Variants in TK2 observed in about 807,000 individuals in gnomAD.
TK2 encodes the protein thymidine kinase 2, mitochondrial.
TK2 carries 35 observed loss-of-function variants against 41.9 expected under a neutral mutation model. That is an observed-to-expected ratio of 0.84 (90% CI 0.64 to 1.11). The LOEUF (loss-of-function observed/expected upper bound fraction) is 1.11, where lower values mean the gene tolerates loss of function less well. Among genes scored for constraint, TK2 ranks in the 50% least tolerant of loss-of-function variants. The pLI, the probability that TK2 is intolerant of heterozygous loss-of-function variation, is 0.00. For missense variants in TK2, 320 were observed against 351.1 expected, an observed-to-expected ratio of 0.91 and a Z score of 0.71; for synonymous variants, 128 against 129.1, an observed-to-expected ratio of 0.99 and a Z score of 0.06.
chr16:66,531,315 C>T (rs2144409081), intron 5 of TK2, 65 bp downstream of exon 5: 1 of 1,513,068 alleles, frequency 6.6e-7, no homozygotes, highest in East Asian at 2.3e-5. Context: ...CCCTTCCTGG[C>T]AATCACATAC....
chr16:66,516,731 G>A (rs968722204), intron 8 of TK2, among the ~76,000 whole-genome samples: 18 of 152,006 alleles, frequency 1.2e-4, no homozygotes. Context: ...TAAGCACTAG[G>A]GATGCAGCAG....
rs779631005 is a variant in TK2 at position 66,529,637 on chromosome 16, G to A, written c.376-570C>T. Among the ~76,000 whole-genome samples the A allele has an allele frequency of 2.6e-5, 4 of 152,152 alleles. No individual in the cohort carries two copies. In the South Asian group the frequency reaches 8.3e-4, roughly 32 times the overall value. On this transcript the variant is annotated intron_variant, in intron 5 of 9. Coordinates refer to ENST00000544898, the MANE Select transcript of TK2 (RefSeq NM_004614.5). Reference sequence around the variant, plus strand: ...CAGGATGCTCAAACCCTCTGCAGACGACCTTGCCCTTTGTCCAGCGTTCCT... The same window carrying A: ...CAGGATGCTCAAACCCTCTGCAGACAACCTTGCCCTTTGTCCAGCGTTCCT...
chr16:66,540,292 C>T (rs1239965238), intron 3 of TK2, among the ~76,000 whole-genome samples: 1 of 151,772 alleles, frequency 6.6e-6, no homozygotes, highest in Non-Finnish European at 1.5e-5. Context: ...CCCACCTCAG[C>T]CTCTTGAGCA....
Position 66,517,804 on chromosome 16 carries a change from AC to A in TK2, c.522del (p.Ser175LeufsTer4). On this transcript the variant is annotated frameshift_variant, in exon 7 of 10. Coordinates refer to ENST00000544898, the MANE Select transcript of TK2 (RefSeq NM_004614.5). LOFTEE classifies it high-confidence loss of function. The surrounding 1 kb of genome is among the most constrained non-coding windows in gnomAD (Gnocchi z 4.3). Reference sequence around the variant, plus strand: ...TGCATCTCACCTATCAAATCAACAGACACGTCCATGTTCCTCAAGATCCAGT... The same window carrying A: ...TGCATCTCACCTATCAAATCAACAGAACGTCCATGTTCCTCAAGATCCAGT... ...WFDWILRNMDVSVDLIVYLRT... is the reference protein window; with the variant it reads ...WFDWILRNMDXSVDLIVYLRT... 1 of 1,614,042 alleles carries A rather than the reference AC, an allele frequency of 6.2e-7. No individual in the cohort carries two copies. The highest frequency in any genetic ancestry group is 1.1e-5 in the South Asian group (1 of 91,082).
intron 6 of TK2, among the ~76,000 whole-genome samples, chr16:66,523,599 C>T (rs1384450055): frequency 6.6e-6 from 1 of 152,198 alleles, no homozygotes; most frequent in African/African-American, 2.4e-5. Flanking sequence ...GAGGCTGAGG[C>T]AGGCAGATCA....
chr16:66,517,185 T>C lies in TK2; in HGVS notation c.569A>G (p.Tyr190Cys), dbSNP rs371008061. 2 of 1,614,166 alleles carry C rather than the reference T, an allele frequency of 1.2e-6. No individual in the cohort carries two copies. Among genetic ancestry groups the C allele is most frequent in the Non-Finnish European group, 1.7e-6 (2 of 1,180,018 alleles). Residue 190 changes from tyrosine (Y) to cysteine (C), a missense_variant, in exon 8 of 10, where the codon TAC becomes TGC. By Grantham distance (194) the Tyr-to-Cys change is radical (BLOSUM62 -2). Transcript: ENST00000544898. This position sits in a 1 kb window ranked among gnomAD's most constrained non-coding sequence, Gnocchi z 4.3. Reference sequence around the variant, plus strand: ...CCTGCATCTCTTCTTTAACCTCTGGTAACAAGTCTCAGGATTGGTCCGAAG... The same window carrying C: ...CCTGCATCTCTTCTTTAACCTCTGGCAACAAGTCTCAGGATTGGTCCGAAG... The part of the protein sequence containing the change: ...VYLRTNPETC[Y>C]QRLKKRCREE...
intron 2 of TK2, among the ~76,000 whole-genome samples, chr16:66,545,311 G>C (rs60540755): frequency 6.6e-6 from 1 of 152,024 alleles, no homozygotes; most frequent in Non-Finnish European, 1.5e-5. Flanking sequence ...GGGTTCCAGA[G>C]GCAAACTGGC....
At chr16:66,549,292 G>C in intron 1 of TK2, 1 of 1,234,796 alleles carries the variant, frequency 8.1e-7, no homozygotes, top group Non-Finnish European at 1.0e-6. Context: ...GATCTTCACA[G>C]ACTGGATGTT....
intron 8 of TK2, 28 bp from the exon 9 acceptor site, chr16:66,513,839 G>C (rs377005992): frequency 6.2e-7 from 1 of 1,603,590 alleles, no homozygotes; most frequent in Non-Finnish European, 8.5e-7. Flanking sequence ...GCAGTCTGTC[G>C]GGAGTGGACA....
chr16:66,529,648 T>C (rs746667555), intron 5 of TK2, among the ~76,000 whole-genome samples: 14 of 152,226 alleles, frequency 9.2e-5, no homozygotes, highest in African/African-American at 2.2e-4. Flanking sequence ...ACCTTGCCCT[T>C]TGTCCAGCGT....
At chr16:66,520,255 T>C (rs1406000192) in intron 6 of TK2, among the ~76,000 whole-genome samples, 1 of 152,140 alleles carries the variant, frequency 6.6e-6, no homozygotes. Flanking sequence ...CAAGTTCAGG[T>C]GACAACTTTG....
chr16:66,536,276 C>G (rs1965277487), intron 4 of TK2, among the ~76,000 whole-genome samples: 2 of 151,760 alleles, frequency 1.3e-5, no homozygotes, highest in African/African-American at 4.8e-5. Context: ...CCTCAGGCAA[C>G]TTATATAAGT....
intron 6 of TK2, among the ~76,000 whole-genome samples, chr16:66,524,682 C>G (rs1964878288): frequency 1.3e-5 from 2 of 152,172 alleles, no homozygotes; most frequent in South Asian, 4.1e-4. Flanking sequence ...GTGTGATCCC[C>G]GACCAGTAGG....
intron 3 of TK2, among the ~76,000 whole-genome samples, chr16:66,538,805 C>G (rs1183709181): frequency 6.6e-6 from 1 of 152,150 alleles, no homozygotes; most frequent in Non-Finnish European, 1.5e-5. Flanking sequence ...CTTCCTAAAG[C>G]CAACAAAGCT....
Position 66,513,831 on chromosome 16 carries a change from A to C in TK2, c.619-20T>G, listed in dbSNP as rs1964524418. 1.9e-6 allele frequency: 3 copies of C among 1,612,982 alleles called. No individual in the cohort carries two copies. The highest frequency in any genetic ancestry group is 2.5e-6 in the Non-Finnish European group (3 of 1,179,190). On this transcript the variant is annotated intron_variant, in intron 8 of 9. Transcript: ENST00000544898. ...GTATTCCTGCCAGGGAAACACAAGC[A>C]GTCTGTCGGGAGTGGACAGAGCAGA...
At chr16:66,547,909 C>A in intron 2 of TK2, 1 of 1,273,152 alleles carries the variant, frequency 7.9e-7, no homozygotes, top group Non-Finnish European at 1.0e-6. Flanking sequence ...GCACAAAGAA[C>A]AGGCCCAGCT....
chr16:66,524,660 G>A (rs562903129), intron 6 of TK2, among the ~76,000 whole-genome samples: 2 of 152,204 alleles, frequency 1.3e-5, no homozygotes, highest in African/African-American at 4.8e-5. Context: ...TCTGAGGCCC[G>A]TATTCCTCAA....
In TK2 at chr16:66,531,455, G is replaced by C; in HGVS notation, c.300C>G (p.His100Gln). The C allele has an allele frequency of 6.2e-7, 1 of 1,614,134 alleles. No individual in the cohort carries two copies. Among genetic ancestry groups the C allele is most frequent in the Non-Finnish European group, 8.5e-7 (1 of 1,180,016 alleles). Residue 100 changes from histidine to glutamine, a missense_variant, in exon 5 of 10, where the codon CAC becomes CAG. By Grantham distance (24) the His-to-Gln change is conservative. Coordinates refer to ENST00000544898, the MANE Select transcript of TK2 (RefSeq NM_004614.5). ...RGHNPLGLMY[H>Q]DASRWGLTLQ... The stretch of plus-strand genomic sequence containing the variant: ...GCGTAAGACCCCAGCGAGAGGCATC[G>C]TGGTACATCAGGCCCTGCAGAAGGG...
intron 4 of TK2, among the ~76,000 whole-genome samples, chr16:66,536,750 G>A (rs780121372): frequency 2.2e-4 from 34 of 152,070 alleles, no homozygotes; most frequent in Admixed American, 3.3e-4. Context: ...CTGACGGGAA[G>A]TCCCTAGGCT....
Sources: gnomAD v4.1 joint callset for allele counts (sites outside exome capture counted in the v4.1 genomes callset) on GRCh38, gnomAD v4.1.1 for gene constraint, Gnocchi (gnomAD v3.1) non-coding constraint, MANE v1.5 for transcripts, NCBI Gene and HGNC (gene_info 2026-07-23, HGNC 2026-07-21) for gene names.